TCF4: variants seen among roughly 807,000 people sequenced by gnomAD.
TCF4 encodes transcription factor 4, also known as SL3-3 enhancer factor 2.
TCF4 carries 3 observed loss-of-function variants against 82.1 expected under a neutral mutation model. The observed-to-expected ratio is 0.04, with a 90% CI of 0.02 to 0.09. TCF4 has a LOEUF of 0.09. Ranked by LOEUF, TCF4 falls within the 10% of genes least tolerant of loss-of-function variation. The pLI is 1.00. For synonymous variants in TCF4, 276 were observed against 309.6 expected, an observed-to-expected ratio of 0.89 and a Z score of 1.14; for missense variants, 518 against 852.7, an observed-to-expected ratio of 0.61 and a Z score of 4.89.
At chr18:55,251,903 T>G (rs1399832670) in intron 15 of TCF4, among the ~76,000 whole-genome samples, 1 of 151,880 alleles carries the variant, frequency 6.6e-6, no homozygotes, top group African/African-American at 2.4e-5. Context: ...CTTGAATTTT[T>G]TTGTTGTTGT....
At chr18:55,428,001 C>T (rs779712411) in intron 5 of TCF4, among the ~76,000 whole-genome samples, 7 of 152,104 alleles carry the variant, frequency 4.6e-5, no homozygotes, top group Non-Finnish European at 8.8e-5. Context: ...AGAGAAAAAT[C>T]ACATTAGAAG....
At chr18:55,468,318 A>T (rs2096076959) in intron 3 of TCF4, among the ~76,000 whole-genome samples, 1 of 152,238 alleles carries the variant, frequency 6.6e-6, no homozygotes, top group Non-Finnish European at 1.5e-5. Flanking sequence ...TATTAAGTAG[A>T]CAAAGCAGAG....
chr18:55,572,433 G>A (rs2097482226), intron 3 of TCF4, among the ~76,000 whole-genome samples: 1 of 152,048 alleles, frequency 6.6e-6, no homozygotes, highest in African/African-American at 2.4e-5. Flanking sequence ...AGGAGGGAGG[G>A]GAGAGAGAGA....
intron 6 of TCF4, chr18:55,384,176 G>C (rs2092352224): frequency 6.6e-6 from 1 of 152,198 alleles, no homozygotes; most frequent in Non-Finnish European, 1.5e-5. Context: ...GGGCAACCTT[G>C]TCAGAGCTGC....
At chr18:55,580,258 C>G (rs747765606) in intron 3 of TCF4, among the ~76,000 whole-genome samples, 2 of 151,934 alleles carry the variant, frequency 1.3e-5, no homozygotes, top group Non-Finnish European at 2.9e-5. Context: ...TTTAGTGATG[C>G]AGATAGAATT....
intron 3 of TCF4, among the ~76,000 whole-genome samples, chr18:55,549,022 C>T (rs144199874): frequency 2.0e-5 from 3 of 151,836 alleles, no homozygotes; most frequent in Non-Finnish European, 4.4e-5. Flanking sequence ...TTTCTTTGGA[C>T]AGGCATGGTG....
At chr18:55,596,048 C>T (rs1376456242) in intron 2 of TCF4, 9 of 395,002 alleles carry the variant, frequency 2.3e-5, no homozygotes, top group East Asian at 9.7e-5. Context: ...GCCTGGCCAA[C>T]GTGGTGAAAC....
At chr18:55,401,325 G>A (rs764370369) in intron 6 of TCF4, 202 of 1,168,402 alleles carry the variant, frequency 1.7e-4, no homozygotes, top group Non-Finnish European at 2.0e-4. Context: ...CTGCGACCAC[G>A]CTAAGCACAG....
chr18:55,340,690 T>C (rs193003798), intron 8 of TCF4, among the ~76,000 whole-genome samples: 6 of 152,254 alleles, frequency 3.9e-5, no homozygotes, highest in Admixed American at 2.0e-4. Flanking sequence ...TCTTAGTTTC[T>C]ATTCTACTGC....
At chr18:55,280,501 C>T (rs8094490) in intron 8 of TCF4, among the ~76,000 whole-genome samples, 4,847 of 152,118 alleles carry the variant, frequency 0.032, 247 homozygotes, top group African/African-American at 0.11. Context: ...TATAGTTTAA[C>T]TTTAATTGGT....
chr18:55,381,753 A>C (rs1569284869), intron 6 of TCF4, among the ~76,000 whole-genome samples: 2 of 152,154 alleles, frequency 1.3e-5, no homozygotes, highest in Non-Finnish European at 2.9e-5. Flanking sequence ...ATTACATTGC[A>C]TGGAATTTAG....
At chr18:55,462,676 T>A (rs2095892059) in intron 4 of TCF4, among the ~76,000 whole-genome samples, 1 of 152,216 alleles carries the variant, frequency 6.6e-6, no homozygotes, top group African/African-American at 2.4e-5. Flanking sequence ...ACTGAATGGA[T>A]AAATCATAAG....
rs538506615 is a variant in TCF4, at chr18:55,226,033, AC to A, written c.*2001del. ...TTTAAACCACAGTTTTTAAAAAAAA[AC>A]AAAAACTGATACAATGTATTAAAAC... On this transcript the variant is annotated 3_prime_UTR_variant, in exon 20 of 20. Transcript: ENST00000354452. The A allele has an allele frequency of 5.2e-5, 8 of 152,626 alleles. No individual in the cohort carries two copies. In the South Asian group the frequency reaches 1.5e-3, roughly 28 times the overall value. 9.5% of individuals were successfully genotyped at this position (152,626 alleles called of 1,614,324 possible). A position where few individuals can be genotyped will look rare whatever the true frequency, so the allele number is the denominator to read the frequency against.
At chr18:55,608,641 C>T (rs1042167294) in intron 2 of TCF4, among the ~76,000 whole-genome samples, 3 of 151,928 alleles carry the variant, frequency 2.0e-5, no homozygotes, top group Non-Finnish European at 2.9e-5. Flanking sequence ...TGCTATGGGC[C>T]GTGGGAATAA....
chr18:55,497,297 G>A (rs1006285476), intron 3 of TCF4, among the ~76,000 whole-genome samples: 1 of 152,110 alleles, frequency 6.6e-6, no homozygotes, highest in African/African-American at 2.4e-5. Context: ...TTTATAAACA[G>A]AAAAGGAAAT....
At chr18:55,422,140 AAAAAAAAAC>A (rs2094791276) in intron 5 of TCF4, 4 of 886,442 alleles carry the variant, frequency 4.5e-6, no homozygotes, top group African/African-American at 4.5e-5. Context: ...AAAAAAAAAA[AAAAAAAAAC>A]CCACCCTGAA....
intron 6 of TCF4, among the ~76,000 whole-genome samples, chr18:55,391,268 G>A (rs558170375): frequency 1.3e-5 from 2 of 152,078 alleles, no homozygotes; most frequent in African/African-American, 2.4e-5. Context: ...CCCAGGGATG[G>A]GACTTCAAAG....
chr18:55,242,801 G>A (rs2051717825), intron 15 of TCF4, among the ~76,000 whole-genome samples: 2 of 151,994 alleles, frequency 1.3e-5, no homozygotes, highest in South Asian at 4.1e-4. Context: ...GTAGAGACGG[G>A]GTTTCACCAT....
intron 5 of TCF4, among the ~76,000 whole-genome samples, chr18:55,454,321 T>A (rs576927213): frequency 3.9e-5 from 6 of 152,298 alleles, no homozygotes; most frequent in South Asian, 4.1e-4. Flanking sequence ...AATGTGAATT[T>A]CTATATGACT....
Sources: allele counts gnomAD v4.1 joint callset (sites outside exome capture counted in the v4.1 genomes callset), GRCh38; gene constraint gnomAD v4.1.1; transcripts MANE v1.5; gene names NCBI Gene and HGNC (gene_info 2026-07-23, HGNC 2026-07-21).